PARD3: variants seen among roughly 807,000 people sequenced by gnomAD.
PARD3 encodes the protein par-3 family cell polarity regulator, also known as partitioning defective 3 homolog.
Under a neutral mutation model 155.4 loss-of-function variants are expected in PARD3, and 75 were observed. That is an observed-to-expected ratio of 0.48 (90% confidence interval 0.40 to 0.58). The LOEUF is 0.58. Ranked by LOEUF, PARD3 falls within the 20% of genes least tolerant of loss-of-function variation. The pLI, the probability that PARD3 is intolerant of heterozygous loss-of-function variation, is 0.00. For missense variants in PARD3, 1,642 were observed against 1,721.7 expected, an observed-to-expected ratio of 0.95 and a Z score of 0.82; for synonymous variants, 576 against 610.5, an observed-to-expected ratio of 0.94 and a Z score of 0.83.
intron 15 of PARD3, chr10:34,344,846 T>G: frequency 1.0e-6 from 1 of 985,414 alleles, no homozygotes; most frequent in Non-Finnish European, 1.2e-6. Context: ...AAGAAAAACA[T>G]GCATCCAAAT....
chr10:34,189,071 C>A (rs1950600926), intron 22 of PARD3, among the ~76,000 whole-genome samples: 1 of 152,160 alleles, frequency 6.6e-6, no homozygotes, highest in Non-Finnish European at 1.5e-5. Context: ...ATGGTTCATG[C>A]CTGTAATCTC....
chr10:34,398,380 C>T (rs917923246), intron 7 of PARD3, among the ~76,000 whole-genome samples: 7 of 152,136 alleles, frequency 4.6e-5, no homozygotes, highest in South Asian at 2.1e-4. Flanking sequence ...CTATGTTCTA[C>T]GGTCTCAGTC....
chr10:34,227,855 T>TC (rs55842134), intron 22 of PARD3, among the ~76,000 whole-genome samples: 1 of 83,718 alleles, frequency 1.2e-5, no homozygotes, highest in Admixed American at 1.2e-4. Flanking sequence ...GGAATTATTT[T>TC]TTATATATAT....
At chr10:34,139,519 G>C (rs1948072542) in intron 22 of PARD3, among the ~76,000 whole-genome samples, 2 of 152,002 alleles carry the variant, frequency 1.3e-5, no homozygotes, top group Admixed American at 6.6e-5. Flanking sequence ...AAATAATCTG[G>C]GTTATTTTAC....
At chr10:34,326,934 T>C (rs1466622553) in intron 19 of PARD3, among the ~76,000 whole-genome samples, 2 of 152,218 alleles carry the variant, frequency 1.3e-5, no homozygotes, top group African/African-American at 4.8e-5. Flanking sequence ...AATCAATAGG[T>C]ATAATTAATA....
At chr10:34,564,690 C>G (rs2085782493) in intron 2 of PARD3, among the ~76,000 whole-genome samples, 1 of 152,206 alleles carries the variant, frequency 6.6e-6, no homozygotes, top group African/African-American at 2.4e-5. Context: ...ATGCAACATA[C>G]AGATCCTTTA....
chr10:34,648,315 TG>T (rs1242259011), intron 2 of PARD3, among the ~76,000 whole-genome samples: 3 of 152,236 alleles, frequency 2.0e-5, no homozygotes, highest in Non-Finnish European at 4.4e-5. Flanking sequence ...TTAATATTGA[TG>T]TATTTCATCT....
chr10:34,271,146 A>G (rs1438681681), intron 21 of PARD3, among the ~76,000 whole-genome samples: 1 of 152,166 alleles, frequency 6.6e-6, no homozygotes, highest in Non-Finnish European at 1.5e-5. Flanking sequence ...TCATGTTTGA[A>G]GTAGACCTCT....
intron 12 of PARD3, among the ~76,000 whole-genome samples, chr10:34,363,398 T>C (rs1307438833): frequency 6.6e-6 from 1 of 152,206 alleles, no homozygotes; most frequent in African/African-American, 2.4e-5. Flanking sequence ...GTCATTATTA[T>C]CATTAAGAAC....
intron 2 of PARD3, among the ~76,000 whole-genome samples, chr10:34,626,857 A>T (rs1171501058): frequency 6.6e-6 from 1 of 152,008 alleles, no homozygotes; most frequent in Non-Finnish European, 1.5e-5. Flanking sequence ...GAAATGTCAT[A>T]ACCACCACGA....
At chr10:34,669,199 G>A (rs1319926991) in intron 2 of PARD3, among the ~76,000 whole-genome samples, 1 of 152,004 alleles carries the variant, frequency 6.6e-6, no homozygotes, top group Non-Finnish European at 1.5e-5. Flanking sequence ...GCAAAGATAG[G>A]GAATCAACCT....
At chr10:34,142,658 G>C (rs1279203683) in intron 22 of PARD3, among the ~76,000 whole-genome samples, 1 of 150,964 alleles carries the variant, frequency 6.6e-6, no homozygotes, top group Admixed American at 6.6e-5. Flanking sequence ...AAGGAAGGAA[G>C]GCAGGAAGGC....
chr10:34,390,772 TAAAG>T (rs1842802180), intron 7 of PARD3, among the ~76,000 whole-genome samples: 1 of 152,186 alleles, frequency 6.6e-6, no homozygotes, highest in African/African-American at 2.4e-5. Flanking sequence ...CAAAAAATGA[TAAAG>T]AATATCTTAG....
chr10:34,213,166 T>A (rs1412942285), intron 22 of PARD3, among the ~76,000 whole-genome samples: 1 of 152,166 alleles, frequency 6.6e-6, no homozygotes, highest in Non-Finnish European at 1.5e-5. Flanking sequence ...GGCAGCTGCA[T>A]CTGGCAAGGG....
intron 22 of PARD3, among the ~76,000 whole-genome samples, chr10:34,233,539 G>A (rs1040542563): frequency 3.3e-5 from 5 of 151,886 alleles, no homozygotes; most frequent in African/African-American, 1.2e-4. Flanking sequence ...CTAACCATTT[G>A]CTTGACATCT....
chr10:34,461,020 G>C (rs1223370989), intron 4 of PARD3, among the ~76,000 whole-genome samples: 1 of 152,060 alleles, frequency 6.6e-6, no homozygotes, highest in Non-Finnish European at 1.5e-5. Context: ...AACAGATTTG[G>C]CTTATAGGTA....
rs74523814 is a variant in PARD3, at chr10:34,454,018, A to G, written c.583-3570T>C. Among the ~76,000 whole-genome samples, 962 of 152,340 alleles carry G rather than the reference A, an allele frequency of 6.3e-3. 9 individuals are homozygous for G. The highest frequency in any genetic ancestry group is 0.022 in the African/African-American group (916 of 41,584). On this transcript the variant is annotated intron_variant, in intron 4 of 24. Coordinates refer to ENST00000374788, the MANE Select transcript of PARD3 (RefSeq NM_001184785.2). ...TGTAAAATCAATGATGAATCCATAT[A>G]TTGACTTATGTATAATGTATGAAAA...
intron 3 of PARD3, among the ~76,000 whole-genome samples, chr10:34,477,831 C>T (rs2078813647): frequency 6.6e-6 from 1 of 152,158 alleles, no homozygotes; most frequent in Non-Finnish European, 1.5e-5. Flanking sequence ...ACTTATGATA[C>T]AAACAGCAAA....
chr10:34,531,486 A>G (rs1394246988), intron 2 of PARD3, among the ~76,000 whole-genome samples: 1 of 152,150 alleles, frequency 6.6e-6, no homozygotes, highest in Non-Finnish European at 1.5e-5. Context: ...CTCAAATCAT[A>G]TTAGTCAATA....
Sources: allele counts gnomAD v4.1 joint callset (sites outside exome capture counted in the v4.1 genomes callset), GRCh38; gene constraint gnomAD v4.1.1; transcripts MANE v1.5; gene names NCBI Gene and HGNC (gene_info 2026-07-23, HGNC 2026-07-21).